The following CARF variants were observed in gnomAD, a reference collection of about 807,000 sequenced individuals.
CARF encodes the protein calcium responsive transcription factor, also known as calcium-responsive transcription factor.
In CARF, 57 loss-of-function variants were observed where a neutral mutation model predicts 82.0. That is an observed-to-expected ratio of 0.70 (90% CI 0.56 to 0.87). CARF has a LOEUF of 0.87. Ranked by LOEUF, CARF falls within the 40% of genes least tolerant of loss-of-function variation. The pLI is 0.00. For synonymous variants in CARF, 268 were observed against 290.1 expected (o/e 0.92, Z 0.77); for missense variants, 771 against 855.8 (o/e 0.90, Z 1.24).
At chr2:202,927,240 C>T (rs564410437) in intron 3 of CARF, among the ~76,000 whole-genome samples, 1 of 152,102 alleles carries the variant, frequency 6.6e-6, no homozygotes, top group Admixed American at 6.6e-5. Flanking sequence ...GAATTACATC[C>T]TTTAATATGG....
In CARF at chr2:202,970,008, A is replaced by C. The variant is rs767807509; in HGVS notation, c.1043A>C (p.Glu348Ala). The change falls in exon 11 of 17, where the codon GAG (glutamate) becomes GCG (alanine). Residue 348 changes from glutamate to alanine, a missense_variant. Coordinates refer to ENST00000438828, the MANE Select transcript of CARF (RefSeq NM_024744.17). Reference protein sequence around the residue: ...IDKKIIRMEQEKAFNMLKKNL... With the variant: ...IDKKIIRMEQAKAFNMLKKNL... ...AAGAAAATTATCAGAATGGAGCAGGAGAAAGCTTTTAACATGCTAAAGAAG... is the reference window on the plus strand; with the variant it reads ...AAGAAAATTATCAGAATGGAGCAGGCGAAAGCTTTTAACATGCTAAAGAAG... The C allele has an allele frequency of 5.7e-6, 9 of 1,581,678 alleles. No individual in the cohort carries two copies. The highest frequency in any genetic ancestry group is 7.7e-6 in the Non-Finnish European group (9 of 1,170,900).
At chr2:202,953,498 G>GTTTTTTTTTTTTTTTTTTTTTTTTTT (rs67855316) in intron 6 of CARF, among the ~76,000 whole-genome samples, 2 of 70,294 alleles carry the variant, frequency 2.8e-5, no homozygotes, top group Non-Finnish European at 5.0e-5. Flanking sequence ...TTTTTTTGTT[G>GTTTTTTTTTTTTTTTTTTTTTTTTTT]TTTTTTTTTT....
At chr2:202,944,610 C>G (rs569927387) in intron 5 of CARF, among the ~76,000 whole-genome samples, 1 of 152,244 alleles carries the variant, frequency 6.6e-6, no homozygotes, top group South Asian at 2.1e-4. Flanking sequence ...TGTTTATGTT[C>G]AGGTTTTCTG....
At chr2:202,940,574 T>A (rs1287640149) in intron 3 of CARF, among the ~76,000 whole-genome samples, 1 of 152,154 alleles carries the variant, frequency 6.6e-6, no homozygotes, top group African/African-American at 2.4e-5. Flanking sequence ...GGAGTCTTAA[T>A]TGGGTTTGTT....
chr2:202,959,479 G>T (rs1381556164), intron 8 of CARF, among the ~76,000 whole-genome samples: 3 of 152,142 alleles, frequency 2.0e-5, no homozygotes, highest in African/African-American at 7.2e-5. Context: ...GCATTTCATT[G>T]TAAGAGATCA....
At chr2:202,951,252 A>G (rs118170396) in intron 5 of CARF, among the ~76,000 whole-genome samples, 1 of 152,198 alleles carries the variant, frequency 6.6e-6, no homozygotes, top group East Asian at 1.9e-4. Context: ...GCCCAAGCTC[A>G]AACTCCTGGG....
At chr2:202,940,829 G>A (rs77230711) in intron 3 of CARF, among the ~76,000 whole-genome samples, 13,539 of 152,016 alleles carry the variant, frequency 0.089, 741 homozygotes, top group Non-Finnish European at 0.12. Context: ...GGGAGGGGAG[G>A]GCGGTCACTG....
chr2:202,966,354 A>G (rs557450771), intron 9 of CARF, among the ~76,000 whole-genome samples: 1 of 152,346 alleles, frequency 6.6e-6, no homozygotes, highest in African/African-American at 2.4e-5. Flanking sequence ...ATAAAAATTT[A>G]AATGATACCA....
At chr2:202,965,251 A>T (rs1000188138) in intron 9 of CARF, among the ~76,000 whole-genome samples, 16 of 152,110 alleles carry the variant, frequency 1.1e-4, no homozygotes, top group African/African-American at 3.9e-4. Flanking sequence ...GCCTTGATTA[A>T]ATGCAGATTT....
At chr2:202,949,638 C>T (rs2058670123) in intron 5 of CARF, among the ~76,000 whole-genome samples, 1 of 151,206 alleles carries the variant, frequency 6.6e-6, no homozygotes, top group Non-Finnish European at 1.5e-5. Flanking sequence ...GCAACCCCCA[C>T]CTCCTGGGTT....
intron 7 of CARF, among the ~76,000 whole-genome samples, 181 bp downstream of exon 7, chr2:202,954,315 A>G (rs1271175721): frequency 1.3e-5 from 2 of 152,198 alleles, no homozygotes; most frequent in Non-Finnish European, 2.9e-5. Flanking sequence ...GGAAGCTATA[A>G]ATGTCAAAAG....
rs28675965 is a variant in CARF, at chr2:202,988,089, C to T, written c.*4465C>T. Among the ~76,000 whole-genome samples the T allele has an allele frequency of 6.4e-3, 981 of 152,270 alleles. 9 individuals are homozygous for T. Among genetic ancestry groups the T allele is most frequent in the African/African-American group, 0.023 (943 of 41,550 alleles). On this transcript the variant is annotated 3_prime_UTR_variant, in exon 17 of 17. Transcript: ENST00000438828. The stretch of plus-strand genomic sequence containing the variant: ...ACCTTTTTTGGTCTAGCTTTTGTCA[C>T]TTAGCATAGTAATTTTGTGATTTGT...
intron 5 of CARF, among the ~76,000 whole-genome samples, chr2:202,943,617 C>T (rs975977278): frequency 1.4e-4 from 20 of 148,064 alleles, no homozygotes; most frequent in African/African-American, 4.9e-4. Flanking sequence ...CACACACACA[C>T]ACACACACAC....
intron 14 of CARF, 36 bp from the exon 15 acceptor site, chr2:202,981,519 A>G (rs1237936463): frequency 5.8e-6 from 8 of 1,390,304 alleles, no homozygotes; most frequent in Non-Finnish European, 7.8e-6. Flanking sequence ...TAGAAGCCAT[A>G]AAAATTATTT....
intron 14 of CARF, among the ~76,000 whole-genome samples, chr2:202,981,021 A>G (rs2060242625): frequency 6.6e-6 from 1 of 152,118 alleles, no homozygotes; most frequent in Non-Finnish European, 1.5e-5. Flanking sequence ...AATGGAGGTT[A>G]AACCTAGGAA....
At chr2:202,935,648 C>T (rs1693810059) in intron 3 of CARF, among the ~76,000 whole-genome samples, 1 of 151,920 alleles carries the variant, frequency 6.6e-6, no homozygotes, top group Admixed American at 6.6e-5. Context: ...TAGTGTCAAA[C>T]TCCTGGGTTC....
At chr2:202,921,153 C>T (rs1014759900) in intron 2 of CARF, among the ~76,000 whole-genome samples, 1 of 152,136 alleles carries the variant, frequency 6.6e-6, no homozygotes, top group Non-Finnish European at 1.5e-5. Flanking sequence ...AAGTGCGTGC[C>T]ACCGTGCCCG....
intron 3 of CARF, among the ~76,000 whole-genome samples, chr2:202,931,392 A>G (rs200452981): frequency 1.8e-4 from 27 of 152,370 alleles, no homozygotes; most frequent in East Asian, 1.7e-3. Context: ...CTTCCAGCCA[A>G]TAGTAAGCTA....
At chr2:202,935,884 A>G (rs1559205610) in intron 3 of CARF, among the ~76,000 whole-genome samples, 1 of 152,118 alleles carries the variant, frequency 6.6e-6, no homozygotes, top group East Asian at 1.9e-4. Context: ...TGGTACAGTC[A>G]CAGCTTACTG....
Sources: gnomAD v4.1 joint callset for allele counts (sites outside exome capture counted in the v4.1 genomes callset) on GRCh38, gnomAD v4.1.1 for gene constraint, MANE v1.5 for transcripts, NCBI Gene and HGNC (gene_info 2026-07-23, HGNC 2026-07-21) for gene names.